PRDM11: variants seen among roughly 807,000 people sequenced by gnomAD.
The protein encoded by PRDM11 is PR domain-containing protein 11.
PRDM11 carries 20 observed loss-of-function variants against 97.8 expected under a neutral mutation model. The ratio of observed to expected loss-of-function variants is 0.20; its 90% confidence interval spans 0.14 to 0.30. The LOEUF is 0.30. Ranked by LOEUF, PRDM11 falls within the 10% of genes least tolerant of loss-of-function variation. The probability of loss-of-function intolerance (pLI) is 1.00; values close to 1 mark genes in which losing one functional copy is unlikely to be tolerated. For missense variants in PRDM11, 1,139 were observed against 1,555.2 expected, an observed-to-expected ratio of 0.73 and a Z score of 4.50; for synonymous variants, 599 against 637.7, an observed-to-expected ratio of 0.94 and a Z score of 0.91.
chr11:45,134,681 A>G (rs1273896554), intron 1 of PRDM11, among the ~76,000 whole-genome samples: 1 of 137,270 alleles, frequency 7.3e-6, no homozygotes, highest in East Asian at 2.3e-4. Context: ...CCTGAGCAAC[A>G]GAGTGAGACC....
chr11:45,227,523 G>A lies in PRDM11; in HGVS notation c.2898G>A (p.Lys966=). Residue 966 remains lysine, a synonymous_variant, in exon 8 of 8, where the codon AAG becomes AAA. Transcript: ENST00000683152. This position sits in a 1 kb window ranked among gnomAD's most constrained non-coding sequence, Gnocchi z 8.0. ...CCATCAGGGAGAAGATCTGCCAGAAGACCCAGGTCATCCTGGCTCAGAGGT... is the reference window on the plus strand; with the variant it reads ...CCATCAGGGAGAAGATCTGCCAGAAAACCCAGGTCATCCTGGCTCAGAGGT... ...FQSIREKICQ[K]TQVILAQRFD... is the part of the protein sequence containing the mutation. 6 of 1,533,920 alleles carry A rather than the reference G, an allele frequency of 3.9e-6. No individual in the cohort carries two copies. The highest frequency in any genetic ancestry group is 5.2e-6 in the Non-Finnish European group (6 of 1,146,740).
chr11:45,107,643 G>A (rs12286530), intron 1 of PRDM11, among the ~76,000 whole-genome samples: 232 of 152,202 alleles, frequency 1.5e-3, no homozygotes, highest in African/African-American at 5.4e-3. Flanking sequence ...CAGGGGTAGG[G>A]GTGGGGTTCC....
At position 45,226,118 on chromosome 11, in the gene PRDM11, C is replaced by T. The variant is rs918593028; in HGVS notation, c.1493C>T (p.Ser498Leu). The part of the protein sequence containing the change: ...TATDEPSKMS[S>L]ATGRRIRRFK... ...ACGGATGAGCCCTCCAAGATGTCAT[C>T]GGCCACCGGGCGCCGAATCCGGCGC... The change falls in exon 8 of 8, where the codon TCG (serine) becomes TTG (leucine). Residue 498 changes from serine to leucine, a missense_variant. Coordinates refer to ENST00000683152, the MANE Select transcript of PRDM11 (RefSeq NM_001384648.1). The T allele has an allele frequency of 1.5e-4, 236 of 1,533,074 alleles. 1 individual carries two copies. The highest frequency in any genetic ancestry group is 1.9e-4 in the Non-Finnish European group (215 of 1,146,056). 95.0% of individuals were successfully genotyped at this position (1,533,074 alleles called of 1,614,324 possible).
At chr11:45,114,233 AAAG>A (rs972436821) in intron 1 of PRDM11, among the ~76,000 whole-genome samples, 3 of 152,176 alleles carry the variant, frequency 2.0e-5, no homozygotes, top group African/African-American at 7.2e-5. Flanking sequence ...AAATCACAGC[AAAG>A]AAGTGGAAAC....
chr11:45,187,076 G>C (rs1039258557), intron 4 of PRDM11, among the ~76,000 whole-genome samples: 3 of 152,240 alleles, frequency 2.0e-5, no homozygotes, highest in Admixed American at 1.3e-4. Context: ...GAGGTTTGCT[G>C]TCTGTTCTTA....
At chr11:45,155,549 G>T (rs901958039) in intron 1 of PRDM11, among the ~76,000 whole-genome samples, 1 of 152,082 alleles carries the variant, frequency 6.6e-6, no homozygotes, top group African/African-American at 2.4e-5. Context: ...GGGGCCAGGG[G>T]TGCCCCTCTT....
intron 5 of PRDM11, among the ~76,000 whole-genome samples, chr11:45,207,705 C>G (rs778365292): frequency 1.3e-5 from 2 of 152,198 alleles, no homozygotes; most frequent in Non-Finnish European, 2.9e-5. Flanking sequence ...GACTCAGTCT[C>G]TAGTTCCAGG....
chr11:45,232,277 C>T lies in PRDM11; in HGVS notation c.*4118C>T, dbSNP rs1015314351. ...GGGCTGGTGCCATGTTACTTGATCA[C>T]CTGGAGCCTGATGGGACCCAGGAGG... On this transcript the variant is annotated 3_prime_UTR_variant, in exon 8 of 8. Coordinates refer to ENST00000683152, the MANE Select transcript of PRDM11 (RefSeq NM_001384648.1). 5 of 152,250 alleles carry T rather than the reference C, an allele frequency of 3.3e-5. No homozygotes were observed. Among genetic ancestry groups the T allele is most frequent in the African/African-American group, 1.2e-4 (5 of 41,460 alleles). 9.4% of individuals were successfully genotyped at this position (152,250 alleles called of 1,614,324 possible). A position where few individuals can be genotyped will look rare whatever the true frequency, so the allele number is the denominator to read the frequency against.
intron 1 of PRDM11, among the ~76,000 whole-genome samples, chr11:45,131,111 C>T (rs1852709667): frequency 6.6e-6 from 1 of 152,180 alleles, no homozygotes; most frequent in African/African-American, 2.4e-5. Context: ...ATGAATCACA[C>T]AGATACAATG....
At chr11:45,110,526 A>G (rs1288484487) in intron 1 of PRDM11, among the ~76,000 whole-genome samples, 1 of 152,194 alleles carries the variant, frequency 6.6e-6, no homozygotes, top group Non-Finnish European at 1.5e-5. Flanking sequence ...GGACCCAACT[A>G]TCTGTGAGCT....
chr11:45,154,493 TGGGTAC>T (rs1310812708), intron 1 of PRDM11, among the ~76,000 whole-genome samples: 1 of 152,162 alleles, frequency 6.6e-6, no homozygotes, highest in Non-Finnish European at 1.5e-5. Context: ...GAAATGATAC[TGGGTAC>T]GGGAAGTGGA....
intron 1 of PRDM11, among the ~76,000 whole-genome samples, chr11:45,098,665 C>T (rs192053471): frequency 2.6e-5 from 4 of 152,190 alleles, no homozygotes; most frequent in African/African-American, 9.6e-5. Flanking sequence ...GGGAACAATT[C>T]AATTAAGTCT....
chr11:45,171,588 C>G (rs1852202470), intron 1 of PRDM11, among the ~76,000 whole-genome samples: 2 of 152,182 alleles, frequency 1.3e-5, no homozygotes, highest in African/African-American at 4.8e-5. Flanking sequence ...CCTTTGTAGG[C>G]TGAGGCACCA....
intron 6 of PRDM11, among the ~76,000 whole-genome samples, chr11:45,221,768 A>C (rs1854127727): frequency 6.6e-6 from 1 of 152,120 alleles, no homozygotes; most frequent in Non-Finnish European, 1.5e-5. Flanking sequence ...GGAAATTGAA[A>C]GTCACAGTGG....
At chr11:45,195,876 G>A (rs541254286) in intron 4 of PRDM11, among the ~76,000 whole-genome samples, 75 of 152,164 alleles carry the variant, frequency 4.9e-4, no homozygotes, top group South Asian at 2.1e-4. Flanking sequence ...ACACCTGGCC[G>A]TATCATTCCC....
intron 1 of PRDM11, among the ~76,000 whole-genome samples, chr11:45,105,109 C>A (rs1407960264): frequency 1.3e-5 from 2 of 152,156 alleles, no homozygotes; most frequent in African/African-American, 4.8e-5. Context: ...TGGTGAAGAC[C>A]CACTTTCTCA....
rs575026191 is a variant in PRDM11, at chr11:45,225,921, G to A, written c.1370-74G>A. The A allele has an allele frequency of 3.1e-5, 45 of 1,429,200 alleles. No individual in the cohort carries two copies. The African/African-American group carries it at 5.7e-4, about 18-fold the overall frequency. 88.5% of individuals were successfully genotyped at this position (1,429,200 alleles called of 1,614,324 possible). A position where few individuals can be genotyped will look rare whatever the true frequency, so the allele number is the denominator to read the frequency against. ...ATGGTGTGGCACCTACCTTCCAGGA[G>A]TGTTTCCTGTGGATTTTGGAAAAGC... On this transcript the variant is annotated intron_variant, in intron 7 of 7. Coordinates refer to ENST00000683152, the MANE Select transcript of PRDM11 (RefSeq NM_001384648.1).
At chr11:45,225,874 C>T in intron 7 of PRDM11, 121 bp from the exon 8 acceptor site, 1 of 1,254,294 alleles carries the variant, frequency 8.0e-7, no homozygotes, top group Non-Finnish European at 1.1e-6. Context: ...CCATCATAGG[C>T]TTCCACGGAC....
chr11:45,097,435 T>C (rs950457572), intron 1 of PRDM11, among the ~76,000 whole-genome samples: 3 of 152,198 alleles, frequency 2.0e-5, no homozygotes, highest in Non-Finnish European at 4.4e-5. Context: ...ACCTACATTG[T>C]CTAATTTTGT....
Sources: allele counts gnomAD v4.1 joint callset (sites outside exome capture counted in the v4.1 genomes callset), GRCh38; gene constraint gnomAD v4.1.1; non-coding constraint Gnocchi (gnomAD v3.1); transcripts MANE v1.5; gene names NCBI Gene and HGNC (gene_info 2026-07-23, HGNC 2026-07-21).